The following MORC2 variants were observed in gnomAD, a reference collection of about 807,000 sequenced individuals.
The protein encoded by MORC2 is ATPase MORC2.
A neutral mutation model predicts 136.0 loss-of-function variants in MORC2; 30 were observed. The observed-to-expected ratio is 0.22, with a 90% confidence interval of 0.17 to 0.30. MORC2 has a LOEUF of 0.30. Ranked by LOEUF, MORC2 falls within the 10% of genes least tolerant of loss-of-function variation. The probability of loss-of-function intolerance (pLI) is 1.00; values close to 1 mark genes in which losing one functional copy is unlikely to be tolerated. For missense variants in MORC2, 922 were observed against 1,333.1 expected, an observed-to-expected ratio of 0.69 and a Z score of 4.80; for synonymous variants, 439 against 487.0, an observed-to-expected ratio of 0.90 and a Z score of 1.30.
At chr22:30,943,641 A>G (rs555333251) in intron 6 of MORC2, among the ~76,000 whole-genome samples, 1 of 152,234 alleles carries the variant, frequency 6.6e-6, no homozygotes, top group Non-Finnish European at 1.5e-5. Flanking sequence ...TAAGCACCTC[A>G]GGGGTTCAAA....
chr22:30,937,944 C>A lies in MORC2; in HGVS notation c.1240G>T (p.Val414Phe). Residue 414 changes from valine to phenylalanine, a missense_variant, in exon 14 of 26, where the codon GTT becomes TTT. This residue lies in a region of MORC2 where 16 missense variants were observed against 75.6 expected (regional missense o/e 0.21). Coordinates refer to ENST00000397641, the MANE Select transcript of MORC2 (RefSeq NM_001303256.3). This position sits in a 1 kb window ranked among gnomAD's most constrained non-coding sequence, Gnocchi z 4.7. ...GMACGGVVGV[V>F]DVPYLVLEPT... ...TCCAGGACCAGGTAGGGCACATCAA[C>A]AACCCCAACAACCCCGCCACATGCC... 6.2e-7 allele frequency: 1 copy of A among 1,613,970 alleles called. No individual in the cohort carries two copies.
At position 30,968,192 on chromosome 22, in the gene MORC2, C is replaced by CT. The variant is rs2035825083; in HGVS notation, c.-304dup. On this transcript the variant is annotated 5_prime_UTR_variant, in exon 1 of 26. Transcript: ENST00000397641. ...GTTGCGATAGCTCAATTCAGACAAT[C>CT]TGAGTCTCGTGTGGATGGTCCTGAA... 3.2e-6 allele frequency: 1 copy of CT among 308,480 alleles called. No homozygotes were observed. The highest frequency in any genetic ancestry group is 1.1e-3 in the Middle Eastern group (1 of 938). 19.1% of individuals were successfully genotyped at this position (308,480 alleles called of 1,614,324 possible). A position where few individuals can be genotyped will look rare whatever the true frequency, so the allele number is the denominator to read the frequency against.
At position 30,926,622 on chromosome 22, in the gene MORC2, A is replaced by C. The variant is rs550057514; in HGVS notation, c.*181T>G. The C allele has an allele frequency of 1.1e-5, 4 of 377,836 alleles. No individual in the cohort carries two copies. In the South Asian group the frequency reaches 3.8e-4, roughly 36 times the overall value. The allele number at this position is 377,836 out of a possible 1,614,324, so 23.4% of individuals were successfully genotyped here. ...ACAGGCACAGCATCTTCTTTTAAAAAATAAATATTTATAAACTTAAGGAAG... is the reference window on the plus strand; with the variant it reads ...ACAGGCACAGCATCTTCTTTTAAAACATAAATATTTATAAACTTAAGGAAG... On this transcript the variant is annotated 3_prime_UTR_variant, in exon 26 of 26. Coordinates refer to ENST00000397641, the MANE Select transcript of MORC2 (RefSeq NM_001303256.3).
chr22:30,934,181 C>T lies in MORC2; in HGVS notation c.2204G>A (p.Ser735Asn). 6.2e-7 allele frequency: 1 copy of T among 1,614,146 alleles called. No individual in the cohort carries two copies. Among genetic ancestry groups the T allele is most frequent in the Non-Finnish European group, 8.5e-7 (1 of 1,180,012 alleles). Residue 735 changes from serine to asparagine, a missense_variant, in exon 20 of 26, where the codon AGT becomes AAT. Physicochemically the swap from Ser to Asn is conservative, Grantham distance 46 (BLOSUM62 1). This residue lies in a region of MORC2 where 184 missense variants were observed against 180.3 expected (regional missense o/e 1.02). Coordinates refer to ENST00000397641, the MANE Select transcript of MORC2 (RefSeq NM_001303256.3). The surrounding 1 kb of genome is among the most constrained non-coding windows in gnomAD (Gnocchi z 4.4). ...SPIKLSPATP[S>N]RKRSVAVSDE... is the part of the protein sequence containing the mutation. ...AGAAACTGCGACACTCCGCTTCCGA[C>T]TAGGGGTAGCCTAGAGCAAGAGGAG...
Position 30,925,339 on chromosome 22 carries a change from A to G in MORC2, c.*1464T>C. 1 of 250,446 alleles carries G rather than the reference A, an allele frequency of 4.0e-6. No individual in the cohort carries two copies. Among genetic ancestry groups the G allele is most frequent in the Non-Finnish European group, 7.8e-6 (1 of 127,478 alleles). 15.5% of individuals were successfully genotyped at this position (250,446 alleles called of 1,614,324 possible). A position where few individuals can be genotyped will look rare whatever the true frequency, so the allele number is the denominator to read the frequency against. ...GGAATCACCAGCTCAAGAAACCCCA[A>G]GACTTGGACAGTCTTCCAGCAGAAG... On this transcript the variant is annotated 3_prime_UTR_variant, in exon 26 of 26. Coordinates refer to ENST00000397641, the MANE Select transcript of MORC2 (RefSeq NM_001303256.3).
intron 4 of MORC2, 39 bp downstream of exon 4, chr22:30,950,338 C>CGGGGGGGG: frequency 1.0e-5 from 7 of 695,074 alleles, no homozygotes; most frequent in Non-Finnish European, 1.6e-5. Context: ...GGTTACATCG[C>CGGGGGGGG]ACCCCCCCAC....
chr22:30,952,848 C>T (rs902090555), intron 3 of MORC2, among the ~76,000 whole-genome samples: 1 of 152,236 alleles, frequency 6.6e-6, no homozygotes, highest in African/African-American at 2.4e-5. Flanking sequence ...CTACTGCCTG[C>T]AGCAGATAAG....
In MORC2 at chr22:30,937,517, A is replaced by AAGAT; in HGVS notation, c.1498+62_1498+65dup. ...TCAGTCAAGTTAGGAGGCTGGCAGG[A>AAGAT]AGATAGAGAAAAGAGGCTTGTGGGC... On this transcript the variant is annotated intron_variant, in intron 15 of 25. Coordinates refer to ENST00000397641, the MANE Select transcript of MORC2 (RefSeq NM_001303256.3). The surrounding 1 kb of genome is among the most constrained non-coding windows in gnomAD (Gnocchi z 4.7). The AAGAT allele has an allele frequency of 6.3e-7, 1 of 1,577,838 alleles. No homozygotes were observed. The highest frequency in any genetic ancestry group is 8.6e-7 in the Non-Finnish European group (1 of 1,163,608).
chr22:30,927,211 G>A (rs1033922175), intron 25 of MORC2, among the ~76,000 whole-genome samples: 92 of 152,098 alleles, frequency 6.0e-4, no homozygotes, highest in African/African-American at 2.2e-3. Flanking sequence ...ACAACTGTGG[G>A]AGCCTCCTCA....
chr22:30,964,242 A>G (rs775769170), intron 1 of MORC2, among the ~76,000 whole-genome samples: 1 of 152,202 alleles, frequency 6.6e-6, no homozygotes, highest in South Asian at 2.1e-4. Context: ...CTGTAGTCCC[A>G]GCTACTTGGA....
At chr22:30,933,065 T>C (rs1465099989) in intron 21 of MORC2, 35 bp from the exon 22 acceptor site, 15 of 1,611,300 alleles carry the variant, frequency 9.3e-6, no homozygotes, top group Non-Finnish European at 1.1e-5. Context: ...GTCAGAAAAC[T>C]AGCGTAGAGT....
At chr22:30,933,983 A>G (rs559022775) in intron 20 of MORC2, 77 bp downstream of exon 20, 6 of 1,499,970 alleles carry the variant, frequency 4.0e-6, no homozygotes, top group Non-Finnish European at 3.7e-6. Flanking sequence ...TAGACTGCTG[A>G]TGGGGGGTGC....
Position 30,938,209 on chromosome 22 carries a change from A to ATGATAC in MORC2, c.1074-5_1074-4insGTATCA. On this transcript the variant is annotated splice_polypyrimidine_tract_variant and splice_region_variant and intron_variant, in intron 12 of 25. Coordinates refer to ENST00000397641, the MANE Select transcript of MORC2 (RefSeq NM_001303256.3). ...TTCCTTAGGTTCTTTAAGTGCTCTA[A>ATGATAC]GAAGACAAAAAAACTCAAGCAGATC... 6.5e-7 allele frequency: 1 copy of ATGATAC among 1,527,086 alleles called. No homozygotes were observed. The highest frequency in any genetic ancestry group is 1.3e-5 in the South Asian group (1 of 77,550). The allele number at this position is 1,527,086 out of a possible 1,614,324, so 94.6% of individuals were successfully genotyped here.
chr22:30,948,069 T>C (rs953052437), intron 5 of MORC2, among the ~76,000 whole-genome samples: 3 of 152,232 alleles, frequency 2.0e-5, no homozygotes, highest in Admixed American at 2.0e-4. Context: ...TCTATACGCT[T>C]TCCTTCCCAG....
At chr22:30,943,913 G>A (rs200531793) in intron 6 of MORC2, among the ~76,000 whole-genome samples, 8 of 152,080 alleles carry the variant, frequency 5.3e-5, no homozygotes, top group Admixed American at 2.0e-4. Context: ...GGGACTAGGC[G>A]TACACTGCCA....
At chr22:30,954,467 C>T (rs1182003490) in intron 3 of MORC2, among the ~76,000 whole-genome samples, 1 of 152,098 alleles carries the variant, frequency 6.6e-6, no homozygotes, top group Non-Finnish European at 1.5e-5. Flanking sequence ...ACTGTCTTGA[C>T]TGTTCCCTCA....
At position 30,937,147 on chromosome 22, in the gene MORC2, A is replaced by ATCT. The variant is rs2040666713; in HGVS notation, c.1499-113_1499-111dup. 7.9e-6 allele frequency: 6 copies of ATCT among 754,986 alleles called. No individual in the cohort carries two copies. In the Admixed American group the frequency reaches 1.3e-4, roughly 16 times the overall value. The allele number at this position is 754,986 out of a possible 1,614,324, so 46.8% of individuals were successfully genotyped here. A position where few individuals can be genotyped will look rare whatever the true frequency, so the allele number is the denominator to read the frequency against. ...GATGCCCCAGACTTTGTAGGCAAAG[A>ATCT]TCTTCACTCGGGCTCCAACTCTGCC... On this transcript the variant is annotated intron_variant, in intron 15 of 25. Transcript: ENST00000397641. This position sits in a 1 kb window ranked among gnomAD's most constrained non-coding sequence, Gnocchi z 4.7.
chr22:30,927,960 G>A, intron 25 of MORC2, 59 bp downstream of exon 25: 1 of 1,593,010 alleles, frequency 6.3e-7, no homozygotes, highest in African/African-American at 1.3e-5. Context: ...ACAGGGCCCA[G>A]GCCCCCCTCC....
At chr22:30,963,538 C>A (rs1472131450) in intron 1 of MORC2, among the ~76,000 whole-genome samples, 2 of 151,992 alleles carry the variant, frequency 1.3e-5, no homozygotes, top group African/African-American at 4.8e-5. Context: ...GCACAAGCTA[C>A]CATGCCCGGC....
Sources: allele counts gnomAD v4.1 joint callset (sites outside exome capture counted in the v4.1 genomes callset), GRCh38; gene constraint gnomAD v4.1.1; regional missense constraint gnomAD v4.1.1; non-coding constraint Gnocchi (gnomAD v3.1); transcripts MANE v1.5; gene names NCBI Gene and HGNC (gene_info 2026-07-23, HGNC 2026-07-21).